The following CTNNA2 variants were observed in gnomAD, a reference collection of about 807,000 sequenced individuals.
CTNNA2 encodes catenin alpha 2, also known as catenin alpha-2.
In CTNNA2, 42 loss-of-function variants were observed where a neutral mutation model predicts 101.0. That is an observed-to-expected ratio of 0.42 (90% CI 0.32 to 0.54). CTNNA2 has a LOEUF of 0.54. Among genes scored for constraint, CTNNA2 ranks in the 20% least tolerant of loss-of-function variants. The probability of loss-of-function intolerance (pLI) is 0.14; values close to 1 mark genes in which losing one functional copy is unlikely to be tolerated. For synonymous variants in CTNNA2, 450 were observed against 456.4 expected (o/e 0.99, Z 0.18); for missense variants, 871 against 1,223.1 (o/e 0.71, Z 4.29).
At chr2:79,384,602 G>C in intron 4 of CTNNA2, among the ~76,000 whole-genome samples, 1 of 152,110 alleles carries the variant, frequency 6.6e-6, no homozygotes, top group East Asian at 1.9e-4. Flanking sequence ...TAGGATGTTA[G>C]GTACTCAAGA....
At chr2:80,567,416 T>C (rs1694156278) in intron 12 of CTNNA2, among the ~76,000 whole-genome samples, 1 of 152,158 alleles carries the variant, frequency 6.6e-6, no homozygotes, top group Non-Finnish European at 1.5e-5. Flanking sequence ...TTATGCTTCA[T>C]GGATGTGTGG....
At chr2:80,343,949 C>T (rs1256118736) in intron 7 of CTNNA2, among the ~76,000 whole-genome samples, 2 of 152,124 alleles carry the variant, frequency 1.3e-5, no homozygotes, top group African/African-American at 4.8e-5. Flanking sequence ...ATTCCTTTAT[C>T]CCTTTGGTAA....
intron 7 of CTNNA2, among the ~76,000 whole-genome samples, chr2:80,051,239 A>T (rs777700921): frequency 1.3e-5 from 2 of 152,160 alleles, no homozygotes; most frequent in Non-Finnish European, 2.9e-5. Flanking sequence ...CTCTATTTTG[A>T]GGTTAAATGT....
At chr2:79,977,133 G>A (rs1397452499) in intron 7 of CTNNA2, among the ~76,000 whole-genome samples, 1 of 151,722 alleles carries the variant, frequency 6.6e-6, no homozygotes, top group African/African-American at 2.4e-5. Flanking sequence ...AAATAATTGG[G>A]GGTAATTTAT....
intron 7 of CTNNA2, among the ~76,000 whole-genome samples, chr2:79,961,346 C>CTT (rs1249137566): frequency 2.0e-5 from 3 of 152,136 alleles, no homozygotes; most frequent in African/African-American, 7.2e-5. Context: ...TCCCAGCACT[C>CTT]TATCACTCTA....
At position 80,648,134 on chromosome 2, in the gene CTNNA2, C is replaced by A; in HGVS notation, c.*262C>A. 1 of 278,776 alleles carries A rather than the reference C, an allele frequency of 3.6e-6. No individual in the cohort carries two copies. The highest frequency in any genetic ancestry group is 6.7e-6 in the Non-Finnish European group (1 of 148,424). 17.3% of individuals were successfully genotyped at this position (278,776 alleles called of 1,614,324 possible). A position where few individuals can be genotyped will look rare whatever the true frequency, so the allele number is the denominator to read the frequency against. On this transcript the variant is annotated 3_prime_UTR_variant, in exon 19 of 19. Transcript: ENST00000402739. ...TTCTCATAAAATTGGGCACAGAGTT[C>A]GCATTGGCGCAATATTTATGGGAGT...
chr2:79,305,449 G>A (rs979222884), intron 2 of CTNNA2, among the ~76,000 whole-genome samples: 1 of 150,468 alleles, frequency 6.6e-6, no homozygotes, highest in African/African-American at 2.4e-5. Context: ...CCTGATCCTA[G>A]AGTTTGTGTT....
chr2:80,454,002 A>G, intron 9 of CTNNA2, among the ~76,000 whole-genome samples: 1 of 152,162 alleles, frequency 6.6e-6, no homozygotes, highest in African/African-American at 2.4e-5. Flanking sequence ...TCTGGCTTAT[A>G]TTAACATGAT....
At chr2:79,521,122 ATATATATATATATAT>A (rs1672085517) in intron 1 of CTNNA2, among the ~76,000 whole-genome samples, 1 of 4,988 alleles carries the variant, frequency 2.0e-4, no homozygotes. Context: ...ATATATATAT[ATATATATATATATAT>A]ATATATATAT....
chr2:80,124,528 A>G (rs1381152974), intron 7 of CTNNA2, among the ~76,000 whole-genome samples: 1 of 152,200 alleles, frequency 6.6e-6, no homozygotes. Context: ...GCTCTCTATT[A>G]GAATATATCC....
chr2:80,000,894 G>A (rs986042900), intron 7 of CTNNA2, among the ~76,000 whole-genome samples: 1 of 152,158 alleles, frequency 6.6e-6, no homozygotes, highest in Non-Finnish European at 1.5e-5. Context: ...TTGGATATCT[G>A]CCCATTGAGA....
At chr2:79,605,593 CAG>C (rs1677834872) in intron 1 of CTNNA2, among the ~76,000 whole-genome samples, 1 of 151,678 alleles carries the variant, frequency 6.6e-6, no homozygotes, top group South Asian at 2.1e-4. Context: ...GATATGGAAA[CAG>C]TATATTTCTC....
At chr2:79,592,482 A>G (rs532063580) in intron 1 of CTNNA2, among the ~76,000 whole-genome samples, 14 of 152,180 alleles carry the variant, frequency 9.2e-5, no homozygotes, top group African/African-American at 3.1e-4. Flanking sequence ...TCATGTGGGA[A>G]AATTTCTTCA....
intron 1 of CTNNA2, among the ~76,000 whole-genome samples, chr2:79,563,258 A>G (rs919401755): frequency 6.6e-6 from 1 of 151,582 alleles, no homozygotes; most frequent in Non-Finnish European, 1.5e-5. Context: ...GCATATACTT[A>G]CATAAAAAAG....
At chr2:80,300,456 A>G (rs977117508) in intron 7 of CTNNA2, among the ~76,000 whole-genome samples, 1 of 152,098 alleles carries the variant, frequency 6.6e-6, no homozygotes, top group Non-Finnish European at 1.5e-5. Context: ...AGAGAAACCT[A>G]CCACCAACCC....
In CTNNA2 at chr2:80,018,090, A is replaced by G. The variant is rs78052102; in HGVS notation, c.1056+108293A>G. Among the ~76,000 whole-genome samples the G allele has an allele frequency of 5.7e-3, 875 of 152,350 alleles. 9 individuals carry two copies. The highest frequency in any genetic ancestry group is 0.02 in the African/African-American group (814 of 41,580). On this transcript the variant is annotated intron_variant, in intron 7 of 18. Coordinates refer to ENST00000402739, the MANE Select transcript of CTNNA2 (RefSeq NM_001282597.3). ...TAATTTGTAATTTTAAGGAGATGGA[A>G]TTTGAAAATACCTGAGAATGTTATG...
intron 7 of CTNNA2, among the ~76,000 whole-genome samples, chr2:79,963,527 C>T (rs1689811775): frequency 6.6e-6 from 1 of 152,182 alleles, no homozygotes; most frequent in South Asian, 2.1e-4. Flanking sequence ...CCATGTCAGT[C>T]ACTCACTGCT....
At chr2:79,626,107 G>A (rs866837247) in intron 1 of CTNNA2, among the ~76,000 whole-genome samples, 1 of 152,202 alleles carries the variant, frequency 6.6e-6, no homozygotes, top group Non-Finnish European at 1.5e-5. Flanking sequence ...TCCTGTGGGA[G>A]CTACATCATC....
intron 7 of CTNNA2, among the ~76,000 whole-genome samples, chr2:80,198,153 AG>A (rs1706958414): frequency 6.6e-6 from 1 of 152,232 alleles, no homozygotes; most frequent in Non-Finnish European, 1.5e-5. Context: ...CCAATGGAGG[AG>A]GAGCTGGTAG....
Sources: gnomAD v4.1 joint callset for allele counts (sites outside exome capture counted in the v4.1 genomes callset) on GRCh38, gnomAD v4.1.1 for gene constraint, MANE v1.5 for transcripts, NCBI Gene and HGNC (gene_info 2026-07-23, HGNC 2026-07-21) for gene names.